TIMM23B: variants seen among roughly 807,000 people sequenced by gnomAD.
The protein encoded by TIMM23B is translocase of inner mitochondrial membrane 23 homolog B.
Under a neutral mutation model 27.3 loss-of-function variants are expected in TIMM23B, and 27 were observed. The observed-to-expected ratio is 0.99, with a 90% CI of 0.73 to 1.36. The LOEUF is 1.36. TIMM23B is among the 40% of genes most tolerant of loss of function. The pLI is 0.00. For missense variants in TIMM23B, 205 were observed against 244.2 expected (o/e 0.84, Z 1.07); for synonymous variants, 73 against 92.4 (o/e 0.79, Z 1.21).
intron 1 of TIMM23B, chr10:49,943,503 C>G (rs1221486333): frequency 6.6e-6 from 1 of 151,932 alleles, no homozygotes; most frequent in East Asian, 1.9e-4. Flanking sequence ...TGCTGGGATT[C>G]CTAGGCCTGA....
At chr10:49,951,355 AC>A (rs1486822158) in intron 2 of TIMM23B, among the ~76,000 whole-genome samples, 1 of 151,024 alleles carries the variant, frequency 6.6e-6, no homozygotes, top group African/African-American at 2.4e-5. Flanking sequence ...GCTTATTTTA[AC>A]CATCTTTGGA....
chr10:49,968,903 C>T (rs1286402851), intron 6 of TIMM23B, among the ~76,000 whole-genome samples: 5 of 152,062 alleles, frequency 3.3e-5, no homozygotes, highest in African/African-American at 1.2e-4. Flanking sequence ...GAAAAAGGTC[C>T]GCCTAATACC....
At chr10:49,944,824 C>G (rs2133046538) in intron 1 of TIMM23B, among the ~76,000 whole-genome samples, 1 of 152,292 alleles carries the variant, frequency 6.6e-6, no homozygotes, top group Admixed American at 6.5e-5. Flanking sequence ...GCCTGAGCCA[C>G]CAGTGGAAGA....
intron 6 of TIMM23B, among the ~76,000 whole-genome samples, chr10:49,964,488 T>C (rs1840045123): frequency 7.1e-6 from 1 of 140,760 alleles, no homozygotes; most frequent in African/African-American, 2.7e-5. Flanking sequence ...ATGAAATGAA[T>C]AATGAAATTC....
At chr10:49,946,543 A>T (rs1433741356) in intron 2 of TIMM23B, among the ~76,000 whole-genome samples, 2 of 152,214 alleles carry the variant, frequency 1.3e-5, no homozygotes, top group Non-Finnish European at 2.9e-5. Context: ...ATATTTCTAG[A>T]CAGTTGCAAT....
intron 6 of TIMM23B, among the ~76,000 whole-genome samples, chr10:49,965,798 C>CGAAAT (rs1359435487): frequency 1.4e-5 from 2 of 144,980 alleles, no homozygotes; most frequent in East Asian, 2.0e-4. Context: ...GAGTCTCCAT[C>CGAAAT]GAAATGAAAT....
chr10:49,964,958 C>T (rs754459843), intron 6 of TIMM23B, among the ~76,000 whole-genome samples: 6 of 151,886 alleles, frequency 4.0e-5, no homozygotes, highest in Non-Finnish European at 7.4e-5. Context: ...CAGTGGCTCA[C>T]GCTTGTAATC....
intron 6 of TIMM23B, among the ~76,000 whole-genome samples, chr10:49,962,971 A>G (rs1839973181): frequency 6.7e-6 from 1 of 149,530 alleles, no homozygotes; most frequent in African/African-American, 2.4e-5. Flanking sequence ...GGCTCACAGC[A>G]ACCTCTGCCT....
At chr10:49,948,458 A>T (rs1839421392) in intron 2 of TIMM23B, among the ~76,000 whole-genome samples, 2 of 152,222 alleles carry the variant, frequency 1.3e-5, no homozygotes, top group South Asian at 4.1e-4. Flanking sequence ...AAAAAATGGA[A>T]ACAAACCAAA....
At chr10:49,967,712 C>T (rs184224940) in intron 6 of TIMM23B, among the ~76,000 whole-genome samples, 2 of 152,236 alleles carry the variant, frequency 1.3e-5, no homozygotes, top group African/African-American at 4.8e-5. Flanking sequence ...CAAGAAGGTC[C>T]TTGCCACAGA....
At chr10:49,947,765 C>CA (rs1564678934) in intron 2 of TIMM23B, among the ~76,000 whole-genome samples, 3 of 151,782 alleles carry the variant, frequency 2.0e-5, no homozygotes, top group African/African-American at 2.4e-5. Flanking sequence ...CCCATCTCTG[C>CA]AAAAAAATAC....
intron 6 of TIMM23B, among the ~76,000 whole-genome samples, chr10:49,962,765 G>GT (rs1802965529): frequency 6.6e-6 from 1 of 152,060 alleles, no homozygotes; most frequent in African/African-American, 2.4e-5. Flanking sequence ...ATACATTTTA[G>GT]TTGTAGGATA....
Position 49,958,292 on chromosome 10 carries a change from A to G in TIMM23B, c.404-78A>G, listed in dbSNP as rs1303719936. The G allele has an allele frequency of 1.2e-5, 11 of 901,176 alleles. No individual in the cohort carries two copies. In the East Asian group the frequency reaches 1.4e-4, roughly 12 times the overall value. The allele number at this position is 901,176 out of a possible 1,614,324, so 55.8% of individuals were successfully genotyped here. On this transcript the variant is annotated intron_variant, in intron 5 of 6. Transcript: ENST00000651259. ...GGGAGTTATGAGCTAGGAACCATGGATGAAAACCAATATATGTATATCATA... is the reference window on the plus strand; with the variant it reads ...GGGAGTTATGAGCTAGGAACCATGGGTGAAAACCAATATATGTATATCATA...
intron 2 of TIMM23B, 45 bp from the exon 3 acceptor site, chr10:49,952,081 T>C: frequency 1.4e-6 from 2 of 1,401,166 alleles, no homozygotes; most frequent in East Asian, 2.3e-5. Context: ...ACAAGATTTG[T>C]GTCTTGAGGG....
In TIMM23B at chr10:49,973,023, G is replaced by A. The variant is rs782431093; in HGVS notation, c.526G>A (p.Ala176Thr). Residue 176 changes from alanine to threonine, a missense_variant, in exon 7 of 7, where the codon GCT becomes ACT. By Grantham distance (58) the Ala-to-Thr change is moderately conservative. Transcript: ENST00000651259. ...MLYKCTVSEM[A>T]LDSPFCVLLS... is the part of the protein sequence containing the mutation. ...TTCATTGCTTTTAGTGTCAGAGATG[G>A]CTTTGGATTCCCCGTTCTGTGTGCT... The A allele has an allele frequency of 6.5e-6, 10 of 1,528,762 alleles. No individual in the cohort carries two copies. The South Asian group carries it at 1.2e-4, about 18-fold the overall frequency. 94.7% of individuals were successfully genotyped at this position (1,528,762 alleles called of 1,614,324 possible). A position where few individuals can be genotyped will look rare whatever the true frequency, so the allele number is the denominator to read the frequency against.
intron 1 of TIMM23B, among the ~76,000 whole-genome samples, chr10:49,943,919 G>A (rs1281434772): frequency 4.3e-4 from 65 of 152,238 alleles, no homozygotes; most frequent in African/African-American, 1.5e-3. Context: ...GCGGATTAGG[G>A]AAAACATCTC....
chr10:49,958,702 A>G (rs1380338119), intron 6 of TIMM23B, among the ~76,000 whole-genome samples: 1 of 152,190 alleles, frequency 6.6e-6, no homozygotes, highest in Non-Finnish European at 1.5e-5. Context: ...TCACATGATT[A>G]TATAACCAAT....
intron 6 of TIMM23B, among the ~76,000 whole-genome samples, chr10:49,966,435 A>G (rs1310622826): frequency 2.6e-5 from 4 of 151,606 alleles, no homozygotes; most frequent in Admixed American, 1.3e-4. Context: ...AAATGAAGAA[A>G]TGAAATAATG....
intron 6 of TIMM23B, among the ~76,000 whole-genome samples, chr10:49,958,895 A>G (rs1222693129): frequency 3.9e-5 from 6 of 152,234 alleles, no homozygotes; most frequent in African/African-American, 1.2e-4. Flanking sequence ...ACGTAGCATA[A>G]TATCCTCAAG....
Sources: allele counts gnomAD v4.1 joint callset (sites outside exome capture counted in the v4.1 genomes callset), GRCh38; gene constraint gnomAD v4.1.1; transcripts MANE v1.5; gene names NCBI Gene and HGNC (gene_info 2026-07-23, HGNC 2026-07-21).